Variants in ARRB1 observed in about 807,000 individuals in gnomAD.
ARRB1 encodes the protein arrestin beta 1.
Under a neutral mutation model 56.8 loss-of-function variants are expected in ARRB1, and 21 were observed. That is an observed-to-expected ratio of 0.37 (90% CI 0.26 to 0.53). ARRB1 has a LOEUF of 0.53. ARRB1 is among the 20% of genes least tolerant of loss of function. The pLI is 0.88. For synonymous variants in ARRB1, 210 were observed against 218.6 expected (o/e 0.96, Z 0.35); for missense variants, 424 against 553.7 (o/e 0.77, Z 2.35).
intron 11 of ARRB1, 79 bp from the exon 12 acceptor site, chr11:75,273,057 G>C: frequency 9.6e-6 from 12 of 1,252,148 alleles, no homozygotes; most frequent in Non-Finnish European, 1.3e-5. Flanking sequence ...ATGCTGGGGG[G>C]CAGTGGCCGT....
intron 1 of ARRB1, among the ~76,000 whole-genome samples, chr11:75,314,378 C>A (rs138612680): frequency 6.6e-6 from 1 of 152,222 alleles, no homozygotes; most frequent in East Asian, 1.9e-4. Context: ...GGGATGCCCC[C>A]CCTCCAGCAG....
rs1212493486 is a variant in ARRB1, at chr11:75,266,234, G to A, written c.1186C>T (p.Leu396=). 2 of 1,614,098 alleles carry A rather than the reference G, an allele frequency of 1.2e-6. No individual in the cohort carries two copies. Among genetic ancestry groups the A allele is most frequent in the African/African-American group, 1.3e-5 (1 of 74,932 alleles). The change falls in exon 16 of 16, where the codon CTG becomes TTG. Residue 396 remains leucine (L), a synonymous_variant. Coordinates refer to ENST00000420843, the MANE Select transcript of ARRB1 (RefSeq NM_004041.5). ...TCCTTGTCATCCTTCATGCCTTTCA[G>A]TCTCTGGCGAGCAAAGTCCTCAAAT... The part of the protein sequence containing the change: ...IVFEDFARQR[L]KGMKDDKEEE...
intron 1 of ARRB1, among the ~76,000 whole-genome samples, chr11:75,316,749 C>T (rs937644815): frequency 6.6e-6 from 1 of 151,914 alleles, no homozygotes; most frequent in African/African-American, 2.4e-5. Context: ...AGACTTATCT[C>T]TTTAAAAAAA....
intron 1 of ARRB1, among the ~76,000 whole-genome samples, chr11:75,330,177 T>C (rs932041685): frequency 7.2e-5 from 11 of 152,242 alleles, no homozygotes; most frequent in South Asian, 2.1e-4. Context: ...AACCTTCAGA[T>C]CCTGCTGCTC....
At position 75,284,258 on chromosome 11, in the gene ARRB1, G is replaced by A; in HGVS notation, c.134C>T (p.Pro45Leu). The A allele has an allele frequency of 6.2e-7, 1 of 1,609,436 alleles. No homozygotes were observed. Among genetic ancestry groups the A allele is most frequent in the Non-Finnish European group, 8.5e-7 (1 of 1,176,710 alleles). ...ACCTCTCCGCTCTTTGAGATACTCA[G>A]GATCCACCAGGACCACACCATCTGG... ...DPVDGVVLVD[P>L]EYLKERRVYV... is the part of the protein sequence containing the mutation. The change falls in exon 4 of 16, where the codon CCT (proline) becomes CTT (leucine). Residue 45 changes from proline (P) to leucine (L), a missense_variant. Transcript: ENST00000420843.
intron 4 of ARRB1, 118 bp from the exon 5 acceptor site, chr11:75,283,601 CT>C: frequency 1.0e-6 from 1 of 991,942 alleles, no homozygotes; most frequent in Non-Finnish European, 1.4e-6. Flanking sequence ...GTCCCAAGCT[CT>C]GTGGGGATGG....
intron 4 of ARRB1, among the ~76,000 whole-genome samples, chr11:75,283,893 T>A (rs1053160348): frequency 2.0e-5 from 3 of 152,092 alleles, no homozygotes; most frequent in African/African-American, 7.2e-5. Context: ...AAGCGTCTTG[T>A]CACAGCTCAG....
chr11:75,306,475 G>T, intron 1 of ARRB1: 1 of 725,580 alleles, frequency 1.4e-6, no homozygotes. Context: ...CACATCTCAT[G>T]GAGAGAGGAA....
intron 1 of ARRB1, among the ~76,000 whole-genome samples, chr11:75,342,975 A>ATCAGCAATGATGTCCTATGGTCC (rs1947713765): frequency 6.6e-6 from 1 of 152,058 alleles, no homozygotes; most frequent in Admixed American, 6.6e-5. Flanking sequence ...ATATTTTGAA[A>ATCAGCAATGATGTCCTATGGTCC]TCAGCAATGA....
intron 1 of ARRB1, chr11:75,312,279 G>A (rs1947179166): frequency 4.8e-6 from 3 of 625,404 alleles, no homozygotes; most frequent in African/African-American, 1.9e-5. Context: ...GAGAAGAGGC[G>A]TCAGGGACAG....
intron 1 of ARRB1, among the ~76,000 whole-genome samples, chr11:75,324,572 A>G (rs1485838311): frequency 1.3e-5 from 2 of 152,026 alleles, no homozygotes; most frequent in East Asian, 3.9e-4. Flanking sequence ...CTCCCTGATC[A>G]CCGTTGCCGA....
At chr11:75,272,803 G>T in intron 12 of ARRB1, 92 bp downstream of exon 12, 2 of 1,273,666 alleles carry the variant, frequency 1.6e-6, no homozygotes, top group South Asian at 1.2e-5. Context: ...AGCTAAAAGG[G>T]CTGCAAACAG....
intron 10 of ARRB1, among the ~76,000 whole-genome samples, chr11:75,275,097 T>C (rs1473197308): frequency 7.4e-6 from 1 of 135,152 alleles, no homozygotes; most frequent in Non-Finnish European, 1.6e-5. Flanking sequence ...AGAGTGAAAC[T>C]CTGTCTCTAA....
chr11:75,347,514 G>A (rs1187094165), intron 1 of ARRB1, among the ~76,000 whole-genome samples: 1 of 152,212 alleles, frequency 6.6e-6, no homozygotes, highest in East Asian at 1.9e-4. Context: ...CATGTTGTCT[G>A]TTGAGTAAGT....
rs188323532 is a variant in ARRB1 at position 75,278,193 on chromosome 11, G to A, written c.618+416C>T. ...GTCAGCTGGGTTTGATTCAGAGTTTGAGGGGAGGCCCTTCCTTCTGCAGGG... is the reference window on the plus strand; with the variant it reads ...GTCAGCTGGGTTTGATTCAGAGTTTAAGGGGAGGCCCTTCCTTCTGCAGGG... On this transcript the variant is annotated intron_variant, in intron 8 of 15. Coordinates refer to ENST00000420843, the MANE Select transcript of ARRB1 (RefSeq NM_004041.5). Among the ~76,000 whole-genome samples the A allele has an allele frequency of 3.5e-4, 54 of 152,360 alleles. No homozygotes were observed. The East Asian group carries it at 4.3e-3, about 12-fold the overall frequency.
At chr11:75,339,340 A>C (rs904185568) in intron 1 of ARRB1, among the ~76,000 whole-genome samples, 1 of 152,200 alleles carries the variant, frequency 6.6e-6, no homozygotes, top group Non-Finnish European at 1.5e-5. Context: ...TTCTTTCTCC[A>C]GGCAGAAACA....
chr11:75,318,718 G>A (rs1554981123), intron 1 of ARRB1, among the ~76,000 whole-genome samples: 3 of 151,164 alleles, frequency 2.0e-5, no homozygotes, highest in Admixed American at 6.6e-5. Context: ...AGATCCTCCC[G>A]CCTCAGCCTC....
At chr11:75,278,891 G>C (rs1480504967) in intron 7 of ARRB1, 147 bp from the exon 8 acceptor site, 2 of 1,175,128 alleles carry the variant, frequency 1.7e-6, no homozygotes, top group East Asian at 5.1e-5. Flanking sequence ...GATCAGCATA[G>C]GGGTCTGTCA....
chr11:75,320,631 C>A (rs764495588), intron 1 of ARRB1, among the ~76,000 whole-genome samples: 1 of 152,184 alleles, frequency 6.6e-6, no homozygotes, highest in African/African-American at 2.4e-5. Context: ...ATGGTAACTC[C>A]GATTCCTCCT....
Sources: allele counts gnomAD v4.1 joint callset (sites outside exome capture counted in the v4.1 genomes callset), GRCh38; gene constraint gnomAD v4.1.1; transcripts MANE v1.5; gene names NCBI Gene and HGNC (gene_info 2026-07-23, HGNC 2026-07-21).